TRPM3: variants seen among roughly 807,000 people sequenced by gnomAD.
The protein encoded by TRPM3 is transient receptor potential cation channel subfamily M member 3.
Under a neutral mutation model 181.2 loss-of-function variants are expected in TRPM3, and 77 were observed. The observed-to-expected ratio is 0.42, with a 90% CI of 0.35 to 0.51. TRPM3 has a LOEUF of 0.51. TRPM3 is among the 20% of genes least tolerant of loss of function. The pLI is 0.01. For synonymous variants in TRPM3, 745 were observed against 796.4 expected (o/e 0.94, Z 1.09); for missense variants, 1,759 against 2,196.7 (o/e 0.80, Z 3.98).
At chr9:71,433,723 G>C (rs2131622232) in intron 1 of TRPM3, among the ~76,000 whole-genome samples, 1 of 152,278 alleles carries the variant, frequency 6.6e-6, no homozygotes, top group East Asian at 1.9e-4. Context: ...ACATGCTATA[G>C]GCAAATTGGC....
At position 70,848,706 on chromosome 9, in the gene TRPM3, G is replaced by A. The variant is rs1194224338; in HGVS notation, c.463-2115C>T. 1.4e-4 allele frequency among the ~76,000 whole-genome samples: 4 copies of A among 28,742 alleles called. 1 individual carries two copies. Among genetic ancestry groups the A allele is most frequent in the Admixed American group, 6.6e-4 (2 of 3,032 alleles). 18.9% of individuals were successfully genotyped at this position (28,742 alleles called of 152,430 possible). ...CAAAAGAAATTACCTGGCCGGGCGC[G>A]GTGGCTCACGCCTGTAATCCCAGCA... On this transcript the variant is annotated intron_variant, in intron 3 of 25. Coordinates refer to ENST00000677713, the MANE Select transcript of TRPM3 (RefSeq NM_001366145.2).
At chr9:71,032,101 T>TATTG (rs1590822689) in intron 1 of TRPM3, among the ~76,000 whole-genome samples, 1 of 94,030 alleles carries the variant, frequency 1.1e-5, no homozygotes, top group Admixed American at 1.8e-4. Context: ...TTATATAATA[T>TATTG]TATATATATT....
intron 7 of TRPM3, among the ~76,000 whole-genome samples, chr9:70,763,436 G>T (rs1248906782): frequency 1.3e-5 from 2 of 152,044 alleles, no homozygotes; most frequent in Non-Finnish European, 2.9e-5. Flanking sequence ...ACTTCAGCCA[G>T]GGAGGCAGTG....
chr9:70,990,495 T>C (rs948806222), intron 1 of TRPM3, among the ~76,000 whole-genome samples: 7 of 152,190 alleles, frequency 4.6e-5, no homozygotes, highest in Non-Finnish European at 7.3e-5. Context: ...TAAAAAGGTC[T>C]TGAACGGTGA....
intron 1 of TRPM3, among the ~76,000 whole-genome samples, chr9:71,292,024 G>T (rs1267342476): frequency 6.6e-6 from 1 of 152,012 alleles, no homozygotes; most frequent in Non-Finnish European, 1.5e-5. Flanking sequence ...ACGGAAAAAG[G>T]AGGAGAAAGA....
intron 1 of TRPM3, among the ~76,000 whole-genome samples, chr9:70,983,457 T>C (rs2097385529): frequency 6.6e-6 from 1 of 152,164 alleles, no homozygotes; most frequent in South Asian, 2.1e-4. Context: ...ATTTTTCTCT[T>C]GTGCCAGCAT....
At chr9:71,102,606 C>A (rs962071871) in intron 1 of TRPM3, among the ~76,000 whole-genome samples, 1 of 152,150 alleles carries the variant, frequency 6.6e-6, no homozygotes, top group African/African-American at 2.4e-5. Flanking sequence ...TCTTTTATTT[C>A]TTTCTTTCCT....
At chr9:71,339,564 G>A (rs978921565) in intron 1 of TRPM3, among the ~76,000 whole-genome samples, 2 of 152,044 alleles carry the variant, frequency 1.3e-5, no homozygotes, top group African/African-American at 4.8e-5. Flanking sequence ...TTGAACTGCT[G>A]GGTCAAAGAC....
At chr9:71,015,044 C>A (rs1380227600) in intron 1 of TRPM3, among the ~76,000 whole-genome samples, 2 of 152,024 alleles carry the variant, frequency 1.3e-5, no homozygotes, top group African/African-American at 4.8e-5. Context: ...CTGGCCAATT[C>A]TTTAAAAAAG....
chr9:71,238,860 T>A (rs767346823), intron 1 of TRPM3, among the ~76,000 whole-genome samples: 1 of 152,158 alleles, frequency 6.6e-6, no homozygotes, highest in African/African-American at 2.4e-5. Context: ...TCAAGAATAC[T>A]CATGTTAGTT....
intron 1 of TRPM3, among the ~76,000 whole-genome samples, chr9:71,153,189 T>A (rs762882600): frequency 1.3e-5 from 2 of 152,126 alleles, no homozygotes; most frequent in Non-Finnish European, 2.9e-5. Context: ...ACTTGTCACA[T>A]GACAATTTTC....
intron 6 of TRPM3, among the ~76,000 whole-genome samples, chr9:70,803,745 C>T (rs974551627): frequency 7.3e-4 from 110 of 151,586 alleles, no homozygotes; most frequent in African/African-American, 2.7e-3. Context: ...CCACCACGCC[C>T]GGCCGAGCTC....
chr9:71,270,215 T>C (rs1050594204), intron 1 of TRPM3, among the ~76,000 whole-genome samples: 28 of 152,152 alleles, frequency 1.8e-4, no homozygotes, highest in African/African-American at 6.7e-4. Flanking sequence ...CCGGGGGTAG[T>C]GGTGGGTGCC....
intron 22 of TRPM3, among the ~76,000 whole-genome samples, chr9:70,561,604 T>C (rs1214584017): frequency 1.3e-5 from 2 of 152,186 alleles, no homozygotes; most frequent in East Asian, 1.9e-4. Context: ...TCTACTAGCA[T>C]CCCCTTTTAC....
chr9:71,035,732 A>G (rs571999679), intron 1 of TRPM3, among the ~76,000 whole-genome samples: 1 of 152,228 alleles, frequency 6.6e-6, no homozygotes, highest in African/African-American at 2.4e-5. Flanking sequence ...TAAATAAATA[A>G]ATAAAATAAA....
In TRPM3 at chr9:71,198,642, T is replaced by C. The variant is rs1035275326; in HGVS notation, c.183+248011A>G. Reference sequence around the variant, plus strand: ...TTATTCTCTTTGAAGCAATTGTGAATGGGAGTTCACTCATGATTTGGCTCT... The same window carrying C: ...TTATTCTCTTTGAAGCAATTGTGAACGGGAGTTCACTCATGATTTGGCTCT... On this transcript the variant is annotated intron_variant, in intron 1 of 24. Transcript: ENST00000357533. Among the ~76,000 whole-genome samples the C allele has an allele frequency of 7.3e-5, 11 of 151,662 alleles. 1 individual carries two copies. Among genetic ancestry groups the C allele is most frequent in the Admixed American group, 2.6e-4 (4 of 15,216 alleles).
At chr9:71,311,048 A>G (rs545007029) in intron 1 of TRPM3, among the ~76,000 whole-genome samples, 2 of 152,286 alleles carry the variant, frequency 1.3e-5, no homozygotes, top group East Asian at 3.9e-4. Context: ...TAGTAAATGA[A>G]CATTAAGCTT....
intron 22 of TRPM3, among the ~76,000 whole-genome samples, chr9:70,579,657 C>T (rs1382661291): frequency 6.6e-6 from 1 of 152,228 alleles, no homozygotes; most frequent in Non-Finnish European, 1.5e-5. Flanking sequence ...AGCCCGTGCC[C>T]GCAGACTGAA....
chr9:70,573,959 C>T (rs1210363671), intron 22 of TRPM3, among the ~76,000 whole-genome samples: 1 of 146,280 alleles, frequency 6.8e-6, no homozygotes, highest in East Asian at 2.1e-4. Context: ...TAGCTTAAAT[C>T]ATGCAATTCA....
Sources: gnomAD v4.1 joint callset for allele counts (sites outside exome capture counted in the v4.1 genomes callset) on GRCh38, gnomAD v4.1.1 for gene constraint, MANE v1.5 for transcripts, NCBI Gene and HGNC (gene_info 2026-07-23, HGNC 2026-07-21) for gene names.